CGREF1: variants seen among roughly 807,000 people sequenced by gnomAD.
CGREF1 encodes the protein cell growth regulator with EF hand domain protein 1.
Under a neutral mutation model 17.4 loss-of-function variants are expected in CGREF1, and 16 were observed. The ratio of observed to expected loss-of-function variants is 0.92; its 90% confidence interval spans 0.62 to 1.40. The LOEUF (loss-of-function observed/expected upper bound fraction) is 1.40. Among genes scored for constraint, CGREF1 ranks in the 40% most tolerant of loss-of-function variants. CGREF1 has a pLI of 0.00. For missense variants in CGREF1, 296 were observed against 376.4 expected, an observed-to-expected ratio of 0.79 and a Z score of 1.77; for synonymous variants, 142 against 154.6, an observed-to-expected ratio of 0.92 and a Z score of 0.61.
At chr2:27,099,947 CA>C (rs2148373036), downstream of CGREF1, 1 of 1,222,156 alleles carries the variant, frequency 8.2e-7, no homozygotes, top group African/African-American at 1.5e-5. Flanking sequence ...AGCCTCAGAG[CA>C]AATAAATCTT....
rs544730206 is a variant in CGREF1 at position 27,104,330 on chromosome 2, G to C, written c.37C>G (p.Leu13Val). Residue 13 changes from leucine to valine, a missense_variant, in exon 2 of 6, where the codon CTG (leucine) becomes GTG (valine). By Grantham distance (32) the Leu-to-Val change is conservative. This residue lies in a region of CGREF1 where 247 missense variants were observed against 267.2 expected (regional missense o/e 0.92). Transcript: ENST00000402394. ...PLTMTVLILL[L>V]LPTGQAAPKD... Reference sequence around the variant, plus strand: ...GGGGCAGCCTGACCCGTGGGGAGCAGCAGCAGGATTAACACTGTCATCGTC... The same window carrying C: ...GGGGCAGCCTGACCCGTGGGGAGCACCAGCAGGATTAACACTGTCATCGTC... 3 of 1,593,880 alleles carry C rather than the reference G, an allele frequency of 1.9e-6. No individual in the cohort carries two copies. The African/African-American group carries it at 4.0e-5, about 21-fold the overall frequency.
intron 1 of CGREF1, among the ~76,000 whole-genome samples, chr2:27,117,705 A>ATTTTTTTTTTTTTTTT (rs35908937): frequency 1.6e-5 from 2 of 123,180 alleles, no homozygotes; most frequent in Non-Finnish European, 3.3e-5. Flanking sequence ...TGGGATCTGA[A>ATTTTTTTTTTTTTTTT]TTTTTTTTTT....
intron 1 of CGREF1, among the ~76,000 whole-genome samples, chr2:27,116,238 A>C (rs1671560807): frequency 1.3e-5 from 2 of 151,352 alleles, no homozygotes; most frequent in South Asian, 4.2e-4. Flanking sequence ...AAAAAAAAAA[A>C]AACAAAGGCC....
At chr2:27,103,024 T>C (rs1485498706) in intron 2 of CGREF1, 5 of 985,280 alleles carry the variant, frequency 5.1e-6, no homozygotes, top group Admixed American at 6.2e-5. Flanking sequence ...GTTTGCTCCA[T>C]GACATAAAAT....
chr2:27,116,918 TCTCTC>T (rs1409196863), intron 1 of CGREF1, among the ~76,000 whole-genome samples: 1,947 of 81,492 alleles, frequency 0.024, 160 homozygotes, highest in African/African-American at 0.083. Context: ...TCTCTCTCTC[TCTCTC>T]TTTTTTTGAG....
chr2:27,099,798 G>A, downstream of CGREF1: 1 of 1,597,834 alleles, frequency 6.3e-7, no homozygotes, highest in Non-Finnish European at 8.5e-7. Context: ...CATTGCGGCT[G>A]CATCGCCTTC....
Position 27,101,568 on chromosome 2 carries a change from G to A in CGREF1, c.663C>T (p.Pro221=). ...CTGCCTGGCCCTCAGCTTCCCCTCTGGGCCCTGGAACATCTCCATCAGCCT... is the reference window on the plus strand; with the variant it reads ...CTGCCTGGCCCTCAGCTTCCCCTCTAGGCCCTGGAACATCTCCATCAGCCT... ...QAEADGDVPG[P]RGEAEGQAEA... The change falls in exon 6 of 6, where the codon CCC becomes CCT. Residue 221 remains proline, a synonymous_variant. Coordinates refer to ENST00000402394, the MANE Select transcript of CGREF1 (RefSeq NM_006569.6). 2 of 1,613,536 alleles carry A rather than the reference G, an allele frequency of 1.2e-6. No individual in the cohort carries two copies. Among genetic ancestry groups the A allele is most frequent in the Non-Finnish European group, 1.7e-6 (2 of 1,179,984 alleles).
chr2:27,108,476 A>G (rs1671223442), intron 1 of CGREF1, among the ~76,000 whole-genome samples: 1 of 152,214 alleles, frequency 6.6e-6, no homozygotes, highest in Non-Finnish European at 1.5e-5. Flanking sequence ...GTATTTGAAG[A>G]AATAATAGCT....
chr2:27,107,177 A>G (rs1671152708), intron 1 of CGREF1, among the ~76,000 whole-genome samples: 1 of 152,258 alleles, frequency 6.6e-6, no homozygotes, highest in Non-Finnish European at 1.5e-5. Context: ...GCAAAACAAT[A>G]GCAGGGAAAA....
At chr2:27,111,003 A>T (rs1455449663) in intron 1 of CGREF1, 1 of 152,358 alleles carries the variant, frequency 6.6e-6, no homozygotes, top group Non-Finnish European at 1.5e-5. Context: ...ACAGCTCATA[A>T]AGGCAGTGTG....
Position 27,101,735 on chromosome 2 carries a change from C to T in CGREF1, c.496G>A (p.Val166Ile). ...LAPSPQEPQA[V>I]GRQSLLAKSP... ...TTAGCTAATAGGGACTGCCTTCCAACAGCTTGTGGCTCCTGAGGAGATGGA... is the reference window on the plus strand; with the variant it reads ...TTAGCTAATAGGGACTGCCTTCCAATAGCTTGTGGCTCCTGAGGAGATGGA... Residue 166 changes from valine to isoleucine, a missense_variant, in exon 6 of 6, where the codon GTT (valine) becomes ATT (isoleucine). Coordinates refer to ENST00000402394, the MANE Select transcript of CGREF1 (RefSeq NM_006569.6). The T allele has an allele frequency of 6.2e-7, 1 of 1,614,252 alleles. No homozygotes were observed. The highest frequency in any genetic ancestry group is 8.5e-7 in the Non-Finnish European group (1 of 1,180,040).
chr2:27,109,611 C>T (rs953887804), intron 1 of CGREF1, among the ~76,000 whole-genome samples: 4 of 151,762 alleles, frequency 2.6e-5, no homozygotes, highest in African/African-American at 9.7e-5. Context: ...TAAGGCTGGG[C>T]GCGGTGGCTC....
In CGREF1 at chr2:27,104,353, G is replaced by T. The variant is rs112618911; in HGVS notation, c.14C>A (p.Thr5Lys). 1 of 1,610,830 alleles carries T rather than the reference G, an allele frequency of 6.2e-7. No homozygotes were observed. Among genetic ancestry groups the T allele is most frequent in the Non-Finnish European group, 8.5e-7 (1 of 1,178,358 alleles). The change falls in exon 2 of 6, where the codon ACG becomes AAG. Residue 5 changes from threonine to lysine, a missense_variant. Thr to Lys is a moderately conservative substitution (Grantham distance 78, BLOSUM62 -1). Transcript: ENST00000402394. Reference protein sequence around the residue: MLPLTMTVLILLLLP... With the variant: MLPLKMTVLILLLLP... ...CAGCAGCAGGATTAACACTGTCATCGTCAAAGGTAACATCCTTCCTGGAAC... is the reference window on the plus strand; with the variant it reads ...CAGCAGCAGGATTAACACTGTCATCTTCAAAGGTAACATCCTTCCTGGAAC...
intron 1 of CGREF1, among the ~76,000 whole-genome samples, chr2:27,105,986 G>A (rs1671105365): frequency 6.6e-6 from 1 of 152,180 alleles, no homozygotes; most frequent in Admixed American, 6.5e-5. Context: ...ACATCAGCTG[G>A]CAACATAAAT....
intron 1 of CGREF1, among the ~76,000 whole-genome samples, chr2:27,110,126 G>A (rs1434584437): frequency 2.0e-5 from 3 of 152,038 alleles, no homozygotes; most frequent in Admixed American, 1.3e-4. Flanking sequence ...GGGAGGCCGA[G>A]GTGGGAGGAT....
chr2:27,112,545 A>C (rs1232503968), intron 1 of CGREF1, among the ~76,000 whole-genome samples: 1 of 152,210 alleles, frequency 6.6e-6, no homozygotes, highest in Admixed American at 6.5e-5. Context: ...GCAGTCTGGA[A>C]ATGTGTATTA....
rs2384571 is a variant in CGREF1, at chr2:27,101,856, G to T, written c.375C>A (p.Thr125=). The T allele has an allele frequency of 4.5e-5, 73 of 1,613,342 alleles. No individual in the cohort carries two copies. The Middle Eastern group carries it at 6.6e-4, about 15-fold the overall frequency. Reference sequence around the variant, plus strand: ...TGAGCCCATCCCCATTCAGGTCCTGGGTCTCGAGCACTTTGTCCACTATCA... The same window carrying T: ...TGAGCCCATCCCCATTCAGGTCCTGTGTCTCGAGCACTTTGTCCACTATCA... ...VILIVDKVLE[T]QDLNGDGLMT... is the part of the protein sequence containing the mutation. The change falls in exon 6 of 6, where the codon ACC becomes ACA. Residue 125 remains threonine (T), a synonymous_variant. Coordinates refer to ENST00000402394, the MANE Select transcript of CGREF1 (RefSeq NM_006569.6).
chr2:27,108,964 G>A (rs932336615), intron 1 of CGREF1, among the ~76,000 whole-genome samples: 7 of 151,672 alleles, frequency 4.6e-5, no homozygotes, highest in Admixed American at 2.6e-4. Flanking sequence ...TTTTGGTAGA[G>A]ACAGGGTCTC....
At chr2:27,107,401 T>C (rs1053682838) in intron 1 of CGREF1, among the ~76,000 whole-genome samples, 5 of 151,992 alleles carry the variant, frequency 3.3e-5, no homozygotes, top group African/African-American at 4.8e-5. Flanking sequence ...ATTACAGGCA[T>C]GTGCCACCAC....
Sources: gnomAD v4.1 joint callset for allele counts (sites outside exome capture counted in the v4.1 genomes callset) on GRCh38, gnomAD v4.1.1 for gene constraint, gnomAD v4.1.1 regional missense constraint, MANE v1.5 for transcripts, NCBI Gene and HGNC (gene_info 2026-07-23, HGNC 2026-07-21) for gene names.